Variants in MTTP observed in about 807,000 individuals in gnomAD.
The protein encoded by MTTP is microsomal triglyceride transfer protein large subunit.
A neutral mutation model predicts 90.6 loss-of-function variants in MTTP; 49 were observed. The ratio of observed to expected loss-of-function variants is 0.54; its 90% confidence interval spans 0.43 to 0.69. The LOEUF is 0.69. Ranked by LOEUF, MTTP falls within the 30% of genes least tolerant of loss-of-function variation. MTTP has a pLI of 0.00. For missense variants in MTTP, 945 were observed against 1,067.5 expected (o/e 0.89, Z 1.60); for synonymous variants, 347 against 384.2 (o/e 0.90, Z 1.13).
intron 1 of MTTP, among the ~76,000 whole-genome samples, chr4:99,580,141 C>T (rs1260972302): frequency 1.3e-5 from 2 of 150,614 alleles, no homozygotes; most frequent in East Asian, 4.0e-4. Flanking sequence ...ACTTACTATT[C>T]AACAGGTACT....
chr4:99,588,114 A>G (rs955163742), intron 3 of MTTP, among the ~76,000 whole-genome samples: 1 of 151,996 alleles, frequency 6.6e-6, no homozygotes, highest in Non-Finnish European at 1.5e-5. Flanking sequence ...GATTTGAGAC[A>G]CTTGTTTGGA....
At chr4:99,616,323 C>T (rs1726098639) in intron 15 of MTTP, among the ~76,000 whole-genome samples, 3 of 152,090 alleles carry the variant, frequency 2.0e-5, no homozygotes. Context: ...TTGCTTGAGC[C>T]CAGCAGGTTG....
intron 4 of MTTP, among the ~76,000 whole-genome samples, chr4:99,591,021 T>C (rs1279929538): frequency 6.6e-6 from 1 of 151,978 alleles, no homozygotes; most frequent in South Asian, 2.1e-4. Context: ...TGAAAAAAAA[T>C]GAGAAGGCGC....
chr4:99,592,062 A>C (rs1034811951), intron 6 of MTTP, among the ~76,000 whole-genome samples: 3 of 152,198 alleles, frequency 2.0e-5, no homozygotes, highest in Non-Finnish European at 4.4e-5. Flanking sequence ...CCTGTATAGC[A>C]TGTTGCTGTA....
In MTTP at chr4:99,622,692, G is replaced by C. The variant is rs1726267413; in HGVS notation, c.2529G>C (p.Lys843Asn). The C allele has an allele frequency of 6.2e-7, 1 of 1,613,886 alleles. No homozygotes were observed. The highest frequency in any genetic ancestry group is 1.7e-5 in the Admixed American group (1 of 60,002). Residue 843 changes from lysine (K) to asparagine (N), a missense_variant, in exon 18 of 18, where the codon AAG becomes AAC. Lys to Asn is a moderately conservative substitution (Grantham distance 94). Transcript: ENST00000265517. ...DEAPFRQFEKKYERLSTGRGY... is the reference protein window; with the variant it reads ...DEAPFRQFEKNYERLSTGRGY... ...TGTTGTACAGGCAATTTGAGAAAAA[G>C]TACGAAAGGCTGTCCACAGGCAGAG...
At chr4:99,566,308 A>G (rs990117361) in intron 1 of MTTP, among the ~76,000 whole-genome samples, 1 of 151,680 alleles carries the variant, frequency 6.6e-6, no homozygotes, top group Non-Finnish European at 1.5e-5. Context: ...AAAAAAAAAA[A>G]AAAAAAGAAA....
chr4:99,618,602 G>A (rs1302696426), intron 15 of MTTP, among the ~76,000 whole-genome samples: 1 of 152,178 alleles, frequency 6.6e-6, no homozygotes, highest in Non-Finnish European at 1.5e-5. Context: ...AATTTAGTAG[G>A]TATGAAGGGG....
intron 1 of MTTP, among the ~76,000 whole-genome samples, chr4:99,568,049 G>C (rs1724745707): frequency 6.6e-6 from 1 of 151,776 alleles, no homozygotes; most frequent in Non-Finnish European, 1.5e-5. Flanking sequence ...AAATATTAGA[G>C]AACCACATAA....
At position 99,613,117 on chromosome 4, in the gene MTTP, A is replaced by ATTCTGC; in HGVS notation, c.2196_2201dup (p.Leu733_Leu734dup). 2.5e-6 allele frequency: 4 copies of ATTCTGC among 1,613,794 alleles called. No individual in the cohort carries two copies. Among genetic ancestry groups the ATTCTGC allele is most frequent in the Non-Finnish European group, 3.4e-6 (4 of 1,179,766 alleles). On this transcript the variant is annotated inframe_insertion, in exon 15 of 18. Transcript: ENST00000265517. ...CCCTATCAGTGTGGTGAAAGGACTT[A>ATTCTGC]TTCTGCTAATAGATCATTCTCAGGT...
chr4:99,585,646 C>T (rs564071606), intron 3 of MTTP, among the ~76,000 whole-genome samples: 53 of 152,212 alleles, frequency 3.5e-4, no homozygotes, highest in African/African-American at 1.0e-3. Context: ...CATTTTATAG[C>T]TCCTTTGGTA....
At chr4:99,610,592 C>T (rs768636005) in intron 12 of MTTP, among the ~76,000 whole-genome samples, 7 of 152,030 alleles carry the variant, frequency 4.6e-5, no homozygotes, top group African/African-American at 1.5e-4. Context: ...ACAAGATGGA[C>T]GCAATGGGGT....
chr4:99,585,872 A>G (rs1725246611), intron 3 of MTTP, among the ~76,000 whole-genome samples: 1 of 152,170 alleles, frequency 6.6e-6, no homozygotes, highest in Admixed American at 6.6e-5. Context: ...AAAAAACTTA[A>G]CAATGAGGAC....
Position 99,611,420 on chromosome 4 carries a change from G to A in MTTP, c.1956G>A (p.Gln652=), listed in dbSNP as rs369415595. 6.2e-7 allele frequency: 1 copy of A among 1,613,982 alleles called. No individual in the cohort carries two copies. The highest frequency in any genetic ancestry group is 1.3e-5 in the African/African-American group (1 of 74,914). ...ILRRSNLNIF[Q]YIGKAGLHGS... Reference sequence around the variant, plus strand: ...GGAGAAGTAACCTGAACATCTTTCAGTACATTGGGAAGGCTGGTCTTCACG... The same window carrying A: ...GGAGAAGTAACCTGAACATCTTTCAATACATTGGGAAGGCTGGTCTTCACG... The change falls in exon 14 of 18, where the codon CAG becomes CAA. Residue 652 remains glutamine (Q), a synonymous_variant. Coordinates refer to ENST00000265517, the MANE Select transcript of MTTP (RefSeq NM_001386140.1).
At position 99,611,259 on chromosome 4, in the gene MTTP, G is replaced by A. The variant is rs190887291; in HGVS notation, c.1867+19G>A. 2.1e-4 allele frequency: 334 copies of A among 1,613,484 alleles called. No individual in the cohort carries two copies. In the Middle Eastern group the frequency reaches 3.8e-3, roughly 18 times the overall value. On this transcript the variant is annotated intron_variant, in intron 13 of 17. Transcript: ENST00000265517. ...ATAGAACGTATGTACACCAAAAAGA[G>A]GTTCTCCTTCCATACCCCACAACTT...
rs1356813547 is a variant in MTTP at position 99,600,572 on chromosome 4, CTGGTGGA to C, written c.1078_1084del (p.Val360LeufsTer11). 6.2e-7 allele frequency: 1 copy of C among 1,613,408 alleles called. No individual in the cohort carries two copies. The highest frequency in any genetic ancestry group is 8.5e-7 in the Non-Finnish European group (1 of 1,179,638). ...TTATGCCTTTTTTTATAGACCTCAGCTGGTGGATGCTGTCACCTCTGCTCAGACCTCA... is the reference window on the plus strand; with the variant it reads ...TTATGCCTTTTTTTATAGACCTCAGCTGCTGTCACCTCTGCTCAGACCTCA... On this transcript the variant is annotated frameshift_variant, in exon 9 of 18. Transcript: ENST00000265517. LOFTEE classifies it high-confidence loss of function.
intron 1 of MTTP, among the ~76,000 whole-genome samples, chr4:99,578,906 T>G (rs1464471166): frequency 6.6e-6 from 1 of 152,226 alleles, no homozygotes; most frequent in Admixed American, 6.5e-5. Flanking sequence ...TTATGCCCTA[T>G]GTGGAATTTG....
At chr4:99,594,916 C>T (rs1256106583) in intron 7 of MTTP, 33 bp downstream of exon 7, 3 of 1,609,952 alleles carry the variant, frequency 1.9e-6, no homozygotes, top group Admixed American at 1.7e-5. Flanking sequence ...ATAATCATGA[C>T]ATCAGACTCT....
intron 15 of MTTP, among the ~76,000 whole-genome samples, chr4:99,613,821 G>C (rs1726023642): frequency 6.6e-6 from 1 of 152,100 alleles, no homozygotes; most frequent in African/African-American, 2.4e-5. Context: ...GATTTAAGTG[G>C]CCAAGATACT....
Position 99,594,774 on chromosome 4 carries a change from T to C in MTTP, c.800T>C (p.Leu267Ser). The C allele has an allele frequency of 6.2e-7, 1 of 1,614,040 alleles. No homozygotes were observed. Reference sequence around the variant, plus strand: ...AAGACAACCGAAGCAGGCCCAAGATTGATGTCTGGAAAGCAGGCTGCAGCC... The same window carrying C: ...AAGACAACCGAAGCAGGCCCAAGATCGATGTCTGGAAAGCAGGCTGCAGCC... Reference protein sequence around the residue: ...ELKTTEAGPRLMSGKQAAAII... With the variant: ...ELKTTEAGPRSMSGKQAAAII... The change falls in exon 7 of 18, where the codon TTG (leucine) becomes TCG (serine). Residue 267 changes from leucine to serine, a missense_variant. By Grantham distance (145) the Leu-to-Ser change is moderately radical. Transcript: ENST00000265517.
Sources: gnomAD v4.1 joint callset for allele counts (sites outside exome capture counted in the v4.1 genomes callset) on GRCh38, gnomAD v4.1.1 for gene constraint, MANE v1.5 for transcripts, NCBI Gene and HGNC (gene_info 2026-07-23, HGNC 2026-07-21) for gene names.